Variants in UTRN observed in about 807,000 individuals in gnomAD.
UTRN encodes the protein dystrophin-related protein 1.
In UTRN, 283 loss-of-function variants were observed where a neutral mutation model predicts 463.9. The ratio of observed to expected loss-of-function variants is 0.61; its 90% CI spans 0.55 to 0.67. The LOEUF (loss-of-function observed/expected upper bound fraction) is 0.67. Among genes scored for constraint, UTRN ranks in the 30% least tolerant of loss-of-function variants. UTRN has a pLI of 0.00. For synonymous variants in UTRN, 1,442 were observed against 1,431.5 expected (o/e 1.01, Z -0.17); for missense variants, 3,922 against 4,084.3 (o/e 0.96, Z 1.08).
intron 32 of UTRN, among the ~76,000 whole-genome samples, chr6:144,492,192 G>A (rs139375794): frequency 1.5e-3 from 228 of 152,086 alleles, no homozygotes; most frequent in Non-Finnish European, 2.7e-3. Flanking sequence ...CCTCCTTTTG[G>A]AGTCCCATTG....
chr6:144,789,208 A>G lies in UTRN; in HGVS notation c.8849A>G (p.Lys2950Arg). 1 of 1,613,258 alleles carries G rather than the reference A, an allele frequency of 6.2e-7. No homozygotes were observed. The highest frequency in any genetic ancestry group is 8.5e-7 in the Non-Finnish European group (1 of 1,179,658). The change falls in exon 62 of 75, where the codon AAA becomes AGA. Residue 2950 changes from lysine (K) to arginine (R), a missense_variant. Transcript: ENST00000367545. ...LNVYDTGRTG[K>R]IRVQSLKIGL... ...TATAATTTTAGGGGTCGAACTGGAA[A>G]AATTAGAGTGCAGAGTCTGAAGATT...
intron 51 of UTRN, among the ~76,000 whole-genome samples, chr6:144,656,459 T>C (rs1467456012): frequency 2.0e-5 from 3 of 152,232 alleles, no homozygotes; most frequent in African/African-American, 4.8e-5. Flanking sequence ...TTGCCCCAGC[T>C]GGAGCGCAGT....
At chr6:144,712,790 G>A (rs974085230) in intron 53 of UTRN, among the ~76,000 whole-genome samples, 9 of 152,198 alleles carry the variant, frequency 5.9e-5, no homozygotes, top group East Asian at 1.9e-4. Context: ...GGAAGATTGG[G>A]AAAGGCTCCA....
intron 2 of UTRN, among the ~76,000 whole-genome samples, chr6:144,395,520 G>C (rs559276656): frequency 6.6e-6 from 1 of 151,496 alleles, no homozygotes; most frequent in African/African-American, 2.4e-5. Flanking sequence ...GAAAGTGCAA[G>C]TAGAAAAACA....
At chr6:144,791,076 G>T (rs541392560) in intron 62 of UTRN, among the ~76,000 whole-genome samples, 109 of 152,024 alleles carry the variant, frequency 7.2e-4, no homozygotes, top group African/African-American at 2.6e-3. Flanking sequence ...ATCTTTACTG[G>T]GATATCTAGA....
At chr6:144,781,350 C>CG (rs1259328977) in intron 60 of UTRN, among the ~76,000 whole-genome samples, 1 of 152,128 alleles carries the variant, frequency 6.6e-6, no homozygotes, top group Non-Finnish European at 1.5e-5. Flanking sequence ...TCTTATAGAT[C>CG]GGGCTTGATT....
At chr6:144,632,291 A>T (rs1436934155) in intron 51 of UTRN, among the ~76,000 whole-genome samples, 4 of 152,200 alleles carry the variant, frequency 2.6e-5, no homozygotes, top group Non-Finnish European at 2.9e-5. Flanking sequence ...GTTAAAATAT[A>T]TTTTATAAAT....
intron 58 of UTRN, among the ~76,000 whole-genome samples, chr6:144,766,700 G>A (rs1047835026): frequency 6.6e-6 from 1 of 152,010 alleles, no homozygotes; most frequent in Non-Finnish European, 1.5e-5. Flanking sequence ...CGAGGAAGTA[G>A]ATATGGTACA....
At chr6:144,469,930 T>G (rs1790347299) in intron 23 of UTRN, among the ~76,000 whole-genome samples, 1 of 152,084 alleles carries the variant, frequency 6.6e-6, no homozygotes, top group Admixed American at 6.6e-5. Flanking sequence ...CCTTCAAGCA[T>G]CTGTTTAACA....
At chr6:144,530,803 TGA>T (rs1340964655) in intron 41 of UTRN, among the ~76,000 whole-genome samples, 2 of 151,916 alleles carry the variant, frequency 1.3e-5, no homozygotes, top group African/African-American at 4.8e-5. Flanking sequence ...TGTGTGTGTA[TGA>T]GAGAGAGGAT....
intron 51 of UTRN, among the ~76,000 whole-genome samples, chr6:144,674,172 G>A (rs965055680): frequency 2.0e-5 from 3 of 151,276 alleles, no homozygotes; most frequent in African/African-American, 7.3e-5. Flanking sequence ...TCAGCTTCTT[G>A]TATTTGGATG....
At chr6:144,707,566 A>G (rs1417920389) in intron 53 of UTRN, among the ~76,000 whole-genome samples, 1 of 152,208 alleles carries the variant, frequency 6.6e-6, no homozygotes, top group Non-Finnish European at 1.5e-5. Context: ...TTCCTAGGAC[A>G]TATAAAAGAT....
chr6:144,724,747 A>G (rs1398816528), intron 53 of UTRN, among the ~76,000 whole-genome samples: 2 of 152,204 alleles, frequency 1.3e-5, no homozygotes, highest in African/African-American at 4.8e-5. Context: ...CTTCCATGTT[A>G]TAGCACATAT....
At chr6:144,534,488 C>T (rs921143494) in intron 43 of UTRN, among the ~76,000 whole-genome samples, 4 of 152,194 alleles carry the variant, frequency 2.6e-5, no homozygotes, top group African/African-American at 9.7e-5. Context: ...ACTATGATAT[C>T]ACCACAGAGG....
chr6:144,506,215 G>T (rs1287068759), intron 34 of UTRN, among the ~76,000 whole-genome samples: 1 of 151,866 alleles, frequency 6.6e-6, no homozygotes, highest in Non-Finnish European at 1.5e-5. Flanking sequence ...TGTTTATCCA[G>T]TTTGCCAGTC....
intron 41 of UTRN, among the ~76,000 whole-genome samples, chr6:144,529,173 C>T (rs748659185): frequency 1.3e-5 from 2 of 152,230 alleles, no homozygotes; most frequent in South Asian, 2.1e-4. Flanking sequence ...CCGCCACCCC[C>T]ACACCCCCAC....
intron 2 of UTRN, among the ~76,000 whole-genome samples, chr6:144,336,274 C>T (rs557113236): frequency 2.6e-5 from 4 of 152,206 alleles, no homozygotes; most frequent in Non-Finnish European, 5.9e-5. Flanking sequence ...ATCCAGACTC[C>T]GACATCGCCA....
intron 2 of UTRN, among the ~76,000 whole-genome samples, chr6:144,308,064 C>T (rs774131516): frequency 2.0e-5 from 3 of 152,142 alleles, no homozygotes; most frequent in African/African-American, 7.2e-5. Flanking sequence ...CTCCTGCCAT[C>T]GGATTGCATC....
chr6:144,528,969 T>C (rs572037744), intron 41 of UTRN, among the ~76,000 whole-genome samples: 16 of 152,210 alleles, frequency 1.1e-4, no homozygotes, highest in Non-Finnish European at 2.4e-4. Context: ...GCATGGCTTG[T>C]TGTGGCTGCT....
Sources: gnomAD v4.1 joint callset for allele counts (sites outside exome capture counted in the v4.1 genomes callset) on GRCh38, gnomAD v4.1.1 for gene constraint, MANE v1.5 for transcripts, NCBI Gene and HGNC (gene_info 2026-07-23, HGNC 2026-07-21) for gene names.